Variants in TSPAN10 observed in about 807,000 individuals in gnomAD.
The protein encoded by TSPAN10 is tetraspanin-10.
Under a neutral mutation model 15.0 loss-of-function variants are expected in TSPAN10, and 11 were observed. That is an observed-to-expected ratio of 0.73 (90% CI 0.46 to 1.21). The LOEUF (loss-of-function observed/expected upper bound fraction) is 1.21. Among genes scored for constraint, TSPAN10 ranks in the 50% most tolerant of loss-of-function variants. The pLI is 0.00. For missense variants in TSPAN10, 486 were observed against 470.6 expected (o/e 1.03, Z -0.30); for synonymous variants, 241 against 226.2 (o/e 1.07, Z -0.59).
intron 1 of TSPAN10, among the ~76,000 whole-genome samples, chr17:81,644,335 G>A (rs1312045476): frequency 1.4e-5 from 2 of 146,864 alleles, no homozygotes; most frequent in Admixed American, 1.4e-4. Context: ...CCTCCTCCCT[G>A]TCCTGGGAGC....
chr17:81,647,640 ATCC>A, intron 2 of TSPAN10: 1 of 656,822 alleles, frequency 1.5e-6, no homozygotes, highest in Non-Finnish European at 2.8e-6. Flanking sequence ...CTCACTAAAT[ATCC>A]TCCTGCTAGT....
At chr17:81,646,621 A>G (rs1248360397) in intron 2 of TSPAN10, 1 of 149,034 alleles carries the variant, frequency 6.7e-6, no homozygotes, top group African/African-American at 2.5e-5. Flanking sequence ...CGGAGCTTGC[A>G]GTGAGCCGAG....
chr17:81,644,235 G>C (rs1015795327), intron 1 of TSPAN10, among the ~76,000 whole-genome samples: 7 of 152,140 alleles, frequency 4.6e-5, no homozygotes, highest in Non-Finnish European at 1.0e-4. Flanking sequence ...CCCACAGAGA[G>C]AGACCAGCAA....
intron 2 of TSPAN10, 34 bp downstream of exon 3, chr17:81,645,663 C>G: frequency 6.2e-7 from 1 of 1,606,850 alleles, no homozygotes; most frequent in Non-Finnish European, 8.5e-7. Flanking sequence ...ACAGGGCCAC[C>G]ACAGGGTCGC....
At chr17:81,641,517 G>A (rs140313297), upstream of TSPAN10, among the ~76,000 whole-genome samples, 98 of 151,910 alleles carry the variant, frequency 6.5e-4, no homozygotes, top group Non-Finnish European at 1.1e-3. Flanking sequence ...TGCCCGGTGT[G>A]CTCCCACCCA....
At chr17:81,644,969 C>T in intron 1 of TSPAN10, 23 bp from the exon 3 acceptor site, 1 of 1,608,312 alleles carries the variant, frequency 6.2e-7, no homozygotes, top group Non-Finnish European at 8.5e-7. Flanking sequence ...TGCGGTCTCA[C>T]CCTGTTCCTC....
upstream of TSPAN10, among the ~76,000 whole-genome samples, chr17:81,640,971 G>A (rs963633853): frequency 2.0e-5 from 3 of 151,142 alleles, no homozygotes; most frequent in East Asian, 2.0e-4. Context: ...TCAGGAGGTC[G>A]AGACCAGACT....
exon 2 of TSPAN10, chr17:81,645,591 C>T: frequency 6.2e-7 from 1 of 1,612,678 alleles, no homozygotes. Context: ...GGCTGAGGTG[C>T]TGCGGAGCTG....
downstream of TSPAN10, chr17:81,648,666 C>G (rs2036295409): frequency 5.1e-6 from 1 of 197,270 alleles, no homozygotes; most frequent in Non-Finnish European, 1.0e-5. Context: ...AGGTCCAGGC[C>G]TCTCCCTCCC....
upstream of TSPAN10, among the ~76,000 whole-genome samples, chr17:81,641,935 A>G (rs2036181993): frequency 6.6e-6 from 1 of 152,024 alleles, no homozygotes; most frequent in Non-Finnish European, 1.5e-5. Context: ...CGTGCAGTGA[A>G]CAAGCCGGGG....
chr17:81,648,378 C>A (rs1327530381), downstream of TSPAN10: 4 of 1,145,226 alleles, frequency 3.5e-6, no homozygotes, highest in African/African-American at 6.5e-5. Context: ...CCTGCGCCGC[C>A]GCCGCCGCCT....
chr17:81,640,399 G>A (rs966193146), upstream of TSPAN10, among the ~76,000 whole-genome samples: 6 of 151,978 alleles, frequency 3.9e-5, no homozygotes, highest in Non-Finnish European at 5.9e-5. Flanking sequence ...GTGTCCCACC[G>A]TGTGTCCCAA....
At chr17:81,648,081 G>T (rs1210023170) in exon 3 of TSPAN10, 2 of 1,589,974 alleles carry the variant, frequency 1.3e-6, no homozygotes, top group Non-Finnish European at 1.7e-6. Flanking sequence ...CGCTCCGGCG[G>T]TGGCTGCGCG....
chr17:81,647,554 A>G (rs2036271308), intron 2 of TSPAN10: 3 of 555,094 alleles, frequency 5.4e-6, no homozygotes, highest in South Asian at 4.6e-5. Context: ...CTCCAACTCT[A>G]CCTTCTCAAT....
upstream of TSPAN10, among the ~76,000 whole-genome samples, chr17:81,640,416 T>C (rs2036168109): frequency 6.6e-6 from 1 of 152,014 alleles, no homozygotes; most frequent in Admixed American, 6.6e-5. Context: ...CCAATTTTCT[T>C]GTAAGGATGT....
At chr17:81,640,289 G>T (rs1192237993), upstream of TSPAN10, among the ~76,000 whole-genome samples, 3 of 151,946 alleles carry the variant, frequency 2.0e-5, no homozygotes, top group Non-Finnish European at 2.9e-5. Flanking sequence ...ACCCAGCCAG[G>T]TTTCTTCTTA....
chr17:81,639,030 C>A (rs7220310), upstream of TSPAN10: 68,077 of 151,540 alleles, frequency 0.45, 16,623 homozygotes, highest in East Asian at 0.77. Context: ...AAACTAAGCG[C>A]CTCCCGAAGT....
intron 2 of TSPAN10, chr17:81,646,246 G>C (rs558369818): frequency 2.6e-5 from 4 of 154,412 alleles, no homozygotes; most frequent in African/African-American, 9.6e-5. Context: ...ACAAAAATTA[G>C]CCAGGCATGG....
chr17:81,640,128 G>A (rs1438337867), upstream of TSPAN10, among the ~76,000 whole-genome samples: 1 of 152,044 alleles, frequency 6.6e-6, no homozygotes, highest in Non-Finnish European at 1.5e-5. Context: ...GACCACAAGT[G>A]CTCACAATCA....
Sources: gnomAD v4.1 joint callset for allele counts (sites outside exome capture counted in the v4.1 genomes callset) on GRCh38, gnomAD v4.1.1 for gene constraint, MANE v1.5 for transcripts, NCBI Gene and HGNC (gene_info 2026-07-23, HGNC 2026-07-21) for gene names.